The following IL1RAPL2 variants were observed in gnomAD, a reference collection of about 807,000 sequenced individuals.
The protein encoded by IL1RAPL2 is interleukin 1 receptor accessory protein like 2.
In IL1RAPL2, 3 loss-of-function variants were observed where a neutral mutation model predicts 44.1. The ratio of observed to expected loss-of-function variants is 0.07; its 90% confidence interval spans 0.03 to 0.18. IL1RAPL2 has a LOEUF of 0.18. Ranked by LOEUF, IL1RAPL2 falls within the 10% of genes least tolerant of loss-of-function variation. The probability of loss-of-function intolerance (pLI) is 1.00; values close to 1 mark genes in which losing one functional copy is unlikely to be tolerated. For missense variants in IL1RAPL2, 391 were observed against 496.4 expected, an observed-to-expected ratio of 0.79 and a Z score of 2.02; for synonymous variants, 181 against 178.8, an observed-to-expected ratio of 1.01 and a Z score of -0.10.
At chrX:105,049,116 G>A (rs1443186443) in intron 2 of IL1RAPL2, among the ~76,000 whole-genome samples, 1 of 108,940 alleles carries the variant, frequency 9.2e-6, no homozygotes. Context: ...GTTTGAGAGA[G>A]TACTGAAAAT....
chrX:104,578,188 T>G, intron 1 of IL1RAPL2, among the ~76,000 whole-genome samples: 1 of 111,745 alleles, frequency 8.9e-6, no homozygotes, highest in Middle Eastern at 4.6e-3. Context: ...TTTGAAGAAA[T>G]TGCTTATCTC....
At chrX:104,673,119 A>G (rs1324070014) in intron 2 of IL1RAPL2, among the ~76,000 whole-genome samples, 1 of 111,413 alleles carries the variant, frequency 9.0e-6, no homozygotes, top group Non-Finnish European at 1.9e-5. Flanking sequence ...CCATTTGTCA[A>G]TTTTGGCTTT....
At chrX:104,700,055 A>G (rs1406061522) in intron 2 of IL1RAPL2, among the ~76,000 whole-genome samples, 3 of 112,191 alleles carry the variant, frequency 2.7e-5, no homozygotes, top group African/African-American at 9.7e-5. Flanking sequence ...GGGTGGCTTT[A>G]TATTCAGACA....
At chrX:105,509,401 C>T (rs1161307158) in intron 6 of IL1RAPL2, among the ~76,000 whole-genome samples, 3 of 111,653 alleles carry the variant, frequency 2.7e-5, no homozygotes, top group Non-Finnish European at 3.8e-5. Flanking sequence ...CAAATGTGGG[C>T]ATAAACTTGA....
chrX:104,585,322 A>ATATATTATAT (rs1347233369), intron 1 of IL1RAPL2, among the ~76,000 whole-genome samples: 2 of 21,013 alleles, frequency 9.5e-5, no homozygotes, highest in Non-Finnish European at 1.3e-4. Context: ...AATATATATT[A>ATATATTATAT]TATATAATAT....
intron 5 of IL1RAPL2, among the ~76,000 whole-genome samples, chrX:105,316,622 A>C (rs1239839360): frequency 8.9e-6 from 1 of 112,100 alleles, no homozygotes; most frequent in Non-Finnish European, 1.9e-5. Flanking sequence ...TGAAAACAAA[A>C]TCAAATAAAC....
chrX:105,167,797 T>C (rs748064293), intron 2 of IL1RAPL2, among the ~76,000 whole-genome samples: 13 of 110,707 alleles, frequency 1.2e-4, no homozygotes, highest in Admixed American at 1.9e-4. Flanking sequence ...GTTGTTATTA[T>C]TATCAGTTGC....
At chrX:105,387,148 ATTT>A (rs568965890) in intron 5 of IL1RAPL2, among the ~76,000 whole-genome samples, 1 of 102,889 alleles carries the variant, frequency 9.7e-6, no homozygotes, top group African/African-American at 3.5e-5. Context: ...ATGATAAAGA[ATTT>A]TTTTTTTTTT....
At chrX:104,901,796 T>C (rs1923826170) in intron 2 of IL1RAPL2, among the ~76,000 whole-genome samples, 1 of 111,845 alleles carries the variant, frequency 8.9e-6, no homozygotes, top group Non-Finnish European at 1.9e-5. Context: ...TTCTGTAAAA[T>C]GAGAGTGACA....
At chrX:104,603,476 C>A (rs969246043) in intron 1 of IL1RAPL2, among the ~76,000 whole-genome samples, 8 of 111,650 alleles carry the variant, frequency 7.2e-5, no homozygotes, top group African/African-American at 2.6e-4. Flanking sequence ...CAGAAGTAGG[C>A]TTCAGAAGAT....
At chrX:105,511,974 C>G (rs1569449293) in intron 6 of IL1RAPL2, among the ~76,000 whole-genome samples, 2 of 110,843 alleles carry the variant, frequency 1.8e-5, no homozygotes, top group East Asian at 2.9e-4. Context: ...AGACTAAAAA[C>G]TTGAGTAAGC....
chrX:104,634,050 T>C (rs1446359013), intron 1 of IL1RAPL2, among the ~76,000 whole-genome samples: 3 of 111,585 alleles, frequency 2.7e-5, no homozygotes, highest in African/African-American at 9.8e-5. Context: ...TGTGTCTTTG[T>C]TCTCGTTGGT....
At chrX:105,073,215 C>A in intron 2 of IL1RAPL2, among the ~76,000 whole-genome samples, 1 of 68,309 alleles carries the variant, frequency 1.5e-5, no homozygotes, top group African/African-American at 5.8e-5. Context: ...CCACAACAGG[C>A]CCCAGTGTGT....
intron 5 of IL1RAPL2, among the ~76,000 whole-genome samples, chrX:105,459,300 TTATC>T (rs1181505635): frequency 1.8e-5 from 2 of 111,388 alleles, no homozygotes; most frequent in African/African-American, 6.5e-5. Flanking sequence ...ATCTGCCTGT[TTATC>T]TGTCTGCCTA....
intron 2 of IL1RAPL2, among the ~76,000 whole-genome samples, chrX:104,885,577 G>C (rs1374457245): frequency 8.9e-6 from 1 of 111,737 alleles, no homozygotes; most frequent in African/African-American, 3.3e-5. Context: ...CAAGCCCTGG[G>C]TCCTGAACAA....
chrX:105,509,285 A>C (rs1393301889), intron 6 of IL1RAPL2, among the ~76,000 whole-genome samples: 1 of 112,171 alleles, frequency 8.9e-6, no homozygotes, highest in African/African-American at 3.2e-5. Flanking sequence ...CATCACATTG[A>C]GGCTGAGAAC....
At chrX:104,998,714 C>T (rs1273793478) in intron 2 of IL1RAPL2, among the ~76,000 whole-genome samples, 1 of 111,149 alleles carries the variant, frequency 9.0e-6, no homozygotes, top group African/African-American at 3.3e-5. Flanking sequence ...CTGCGGTGAG[C>T]TATGATTGCA....
intron 2 of IL1RAPL2, among the ~76,000 whole-genome samples, chrX:104,946,829 G>C (rs373969268): frequency 1.1e-5 from 1 of 94,563 alleles, no homozygotes; most frequent in African/African-American, 3.9e-5. Context: ...TGGACATTTG[G>C]GTTGGTTCCA....
chrX:104,956,461 A>AGTGTGTGTGTGTGTAT (rs2029900007), intron 2 of IL1RAPL2, among the ~76,000 whole-genome samples: 1 of 84,086 alleles, frequency 1.2e-5, no homozygotes, highest in African/African-American at 4.7e-5. Context: ...GTCTCTACTA[A>AGTGTGTGTGTGTGTAT]GTGTGTGTGT....
Sources: gnomAD v4.1 joint callset for allele counts (sites outside exome capture counted in the v4.1 genomes callset) on GRCh38, gnomAD v4.1.1 for gene constraint, MANE v1.5 for transcripts, NCBI Gene and HGNC (gene_info 2026-07-23, HGNC 2026-07-21) for gene names.